C20orf203: variants seen among roughly 807,000 people sequenced by gnomAD.
C20orf203 encodes uncharacterized protein C20orf203.
A neutral mutation model predicts 15.9 loss-of-function variants in C20orf203; 16 were observed. The ratio of observed to expected loss-of-function variants is 1.01; its 90% CI spans 0.68 to 1.53. C20orf203 has a LOEUF of 1.53. Ranked by LOEUF, C20orf203 falls within the 40% of genes most tolerant of loss-of-function variation. The probability of loss-of-function intolerance (pLI) is 0.00; values close to 1 mark genes in which losing one functional copy is unlikely to be tolerated. For missense variants in C20orf203, 263 were observed against 247.5 expected (o/e 1.06, Z -0.42); for synonymous variants, 98 against 97.2 (o/e 1.01, Z -0.05).
chr20:32,660,631 T>C (rs1982869118), intron 1 of C20orf203, among the ~76,000 whole-genome samples: 1 of 152,124 alleles, frequency 6.6e-6, no homozygotes, highest in Non-Finnish European at 1.5e-5. Flanking sequence ...CAAAGTCACA[T>C]GGACAGGAAG....
At position 32,650,180 on chromosome 20, in the gene C20orf203, G is replaced by A. The variant is rs774900551; in HGVS notation, c.*252C>T. 1.7e-4 allele frequency: 84 copies of A among 496,128 alleles called. No individual in the cohort carries two copies. The highest frequency in any genetic ancestry group is 5.5e-4 in the Middle Eastern group (1 of 1,814). 30.7% of individuals were successfully genotyped at this position (496,128 alleles called of 1,614,324 possible). A position where few individuals can be genotyped will look rare whatever the true frequency, so the allele number is the denominator to read the frequency against. On this transcript the variant is annotated 3_prime_UTR_variant, in exon 4 of 6. Coordinates refer to ENST00000608990, the MANE Select transcript of C20orf203 (RefSeq NM_182584.4). ...GCTGGACAGGACCAGAGCCTGCCCC[G>A]CATGTCCGGCCGGGGTTCTACCCAG...
chr20:32,639,452 TCA>T (rs1212158519), intron 5 of C20orf203, among the ~76,000 whole-genome samples: 1 of 152,040 alleles, frequency 6.6e-6, no homozygotes, highest in Admixed American at 6.6e-5. Flanking sequence ...TCCCTGAGCC[TCA>T]GTTTCCTCAT....
intron 5 of C20orf203, among the ~76,000 whole-genome samples, chr20:32,636,287 C>T (rs961374107): frequency 2.6e-5 from 4 of 152,242 alleles, no homozygotes; most frequent in African/African-American, 7.2e-5. Flanking sequence ...GAACACCCTT[C>T]GCTTAGATTT....
At chr20:32,655,219 T>C (rs2145675095) in intron 1 of C20orf203, among the ~76,000 whole-genome samples, 1 of 152,312 alleles carries the variant, frequency 6.6e-6, no homozygotes, top group African/African-American at 2.4e-5. Context: ...AATAGTTTCA[T>C]AAATATGATA....
intron 1 of C20orf203, among the ~76,000 whole-genome samples, chr20:32,668,867 C>T (rs1399754196): frequency 6.6e-6 from 1 of 152,084 alleles, no homozygotes; most frequent in Non-Finnish European, 1.5e-5. Flanking sequence ...TTACTCAGAG[C>T]TGCCTCTCAA....
Position 32,650,789 on chromosome 20 carries a change from G to A in C20orf203, c.228C>T (p.Pro76=). The A allele has an allele frequency of 2.0e-6, 3 of 1,505,350 alleles. No homozygotes were observed. The highest frequency in any genetic ancestry group is 2.5e-5 in the East Asian group (1 of 40,522). The allele number at this position is 1,505,350 out of a possible 1,614,324, so 93.2% of individuals were successfully genotyped here. ...GAGGCTGGCGCTGGTGGCTGGGCTG[G>A]GGGTGGACTCGCTGAGCCTTTGAGG... is the stretch of plus-strand genomic sequence containing the variant. ...RRTSKAQRVH[P]QPSHQRQPPP... is the part of the protein sequence containing the mutation. Residue 76 remains proline (P), a synonymous_variant, in exon 4 of 6, where the codon CCC becomes CCT. Transcript: ENST00000608990.
At chr20:32,654,079 CGA>C (rs1568751653) in intron 1 of C20orf203, among the ~76,000 whole-genome samples, 1 of 106,172 alleles carries the variant, frequency 9.4e-6, no homozygotes, top group Non-Finnish European at 2.0e-5. Context: ...GGTGATGGAG[CGA>C]AAAAAAAAAA....
intron 1 of C20orf203, among the ~76,000 whole-genome samples, chr20:32,661,221 G>A (rs1982884056): frequency 6.6e-6 from 1 of 152,166 alleles, no homozygotes; most frequent in East Asian, 1.9e-4. Flanking sequence ...TACATTTGTG[G>A]GCCTTCTCCA....
intron 5 of C20orf203, among the ~76,000 whole-genome samples, chr20:32,638,030 G>A (rs941872319): frequency 6.6e-6 from 1 of 152,108 alleles, no homozygotes; most frequent in African/African-American, 2.4e-5. Context: ...GTGTGTGTGT[G>A]TGTATACAAA....
chr20:32,644,025 C>T (rs887042880), intron 4 of C20orf203, among the ~76,000 whole-genome samples: 2 of 152,170 alleles, frequency 1.3e-5, no homozygotes, highest in African/African-American at 2.4e-5. Flanking sequence ...CCCACGCCCA[C>T]GACTGCCCAG....
chr20:32,661,332 C>G (rs528021588), intron 1 of C20orf203, among the ~76,000 whole-genome samples: 5 of 152,274 alleles, frequency 3.3e-5, no homozygotes, highest in African/African-American at 1.2e-4. Flanking sequence ...GAAAGGGAAA[C>G]AGATGGGCAG....
chr20:32,651,208 T>C (rs13036962), intron 2 of C20orf203, 42 bp from the exon 3 acceptor site: 61,836 of 496,240 alleles, frequency 0.12, 4,606 homozygotes, highest in South Asian at 0.22. Flanking sequence ...CTGGGTGTGT[T>C]GGCTTGCGCC....
intron 4 of C20orf203, among the ~76,000 whole-genome samples, chr20:32,646,425 C>T (rs1414819897): frequency 3.3e-5 from 5 of 152,018 alleles, no homozygotes; most frequent in Non-Finnish European, 4.4e-5. Context: ...AGGCTGGTCT[C>T]GAACTCCTGG....
chr20:32,659,940 A>G (rs575793569), intron 1 of C20orf203, among the ~76,000 whole-genome samples: 1 of 152,364 alleles, frequency 6.6e-6, no homozygotes, highest in Non-Finnish European at 1.5e-5. Context: ...CATCATCATC[A>G]TCATCCACAT....
chr20:32,658,754 G>T (rs1982820292), intron 1 of C20orf203, among the ~76,000 whole-genome samples: 1 of 151,790 alleles, frequency 6.6e-6, no homozygotes. Flanking sequence ...GGTGGGGAAT[G>T]ACACTGGAGC....
In C20orf203 at chr20:32,638,797, A is replaced by C. The variant is rs546247948; in HGVS notation, c.*1299+1769T>G. Among the ~76,000 whole-genome samples the C allele has an allele frequency of 1.3e-3, 202 of 152,326 alleles. 1 individual carries two copies. The highest frequency in any genetic ancestry group is 4.7e-3 in the African/African-American group (195 of 41,570). ...CCTCCACATGGGCTGGCTGCCATGC[A>C]CTGGCCCTGGAGAGAAGCAGAAAGG... On this transcript the variant is annotated intron_variant, in intron 5 of 5. Coordinates refer to ENST00000608990, the MANE Select transcript of C20orf203 (RefSeq NM_182584.4).
At chr20:32,669,423 A>T (rs1006971900) in intron 1 of C20orf203, among the ~76,000 whole-genome samples, 2 of 152,224 alleles carry the variant, frequency 1.3e-5, no homozygotes, top group African/African-American at 2.4e-5. Context: ...TTGATCACAC[A>T]TCCTGGGTTT....
Position 32,650,637 on chromosome 20 carries a change from C to T in C20orf203, c.380G>A (p.Arg127Gln), listed in dbSNP as rs1179685802. The T allele has an allele frequency of 1.2e-5, 18 of 1,545,724 alleles. No individual in the cohort carries two copies. Among genetic ancestry groups the T allele is most frequent in the African/African-American group, 9.6e-5 (7 of 72,942 alleles). The change falls in exon 4 of 6, where the codon CGG becomes CAG. Residue 127 changes from arginine (R) to glutamine (Q), a missense_variant. Coordinates refer to ENST00000608990, the MANE Select transcript of C20orf203 (RefSeq NM_182584.4). Reference protein sequence around the residue: ...RRDREVGRGLRAPAGRGRAMG... With the variant: ...RRDREVGRGLQAPAGRGRAMG... ...TGCCCTCCCCCGCCCAGCAGGGGCC[C>T]GCAGCCCCCTCCCCACTTCCCTATC...
rs1982533031 is a variant in C20orf203 at position 32,649,251 on chromosome 20, C to T, written c.*1177+4G>A. The T allele has an allele frequency of 2.0e-5, 3 of 152,308 alleles. No homozygotes were observed. The allele number at this position is 152,308 out of a possible 1,614,324, so 9.4% of individuals were successfully genotyped here. Reference sequence around the variant, plus strand: ...TGGGGGCATGTGCCTATAGTCCCACCTACCAGGGAGGCTGAGATGGGAGGA... The same window carrying T: ...TGGGGGCATGTGCCTATAGTCCCACTTACCAGGGAGGCTGAGATGGGAGGA... On this transcript the variant is annotated splice_donor_region_variant and intron_variant, in intron 4 of 5. Coordinates refer to ENST00000608990, the MANE Select transcript of C20orf203 (RefSeq NM_182584.4).
Sources: gnomAD v4.1 joint callset for allele counts (sites outside exome capture counted in the v4.1 genomes callset) on GRCh38, gnomAD v4.1.1 for gene constraint, MANE v1.5 for transcripts, NCBI Gene and HGNC (gene_info 2026-07-23, HGNC 2026-07-21) for gene names.